The following CXCL13 variants were observed in gnomAD, a reference collection of about 807,000 sequenced individuals.
CXCL13 encodes C-X-C motif chemokine 13.
A neutral mutation model predicts 12.2 loss-of-function variants in CXCL13; 7 were observed. The observed-to-expected ratio is 0.57, with a 90% CI of 0.33 to 1.07. The LOEUF is 1.07. Among genes scored for constraint, CXCL13 ranks in the 50% least tolerant of loss-of-function variants. CXCL13 has a pLI of 0.04. For missense variants in CXCL13, 113 were observed against 127.4 expected, an observed-to-expected ratio of 0.89 and a Z score of 0.55; for synonymous variants, 47 against 42.4, an observed-to-expected ratio of 1.11 and a Z score of -0.42.
chr4:77,519,120 C>T (rs915388058), intron 1 of CXCL13, among the ~76,000 whole-genome samples: 3 of 152,060 alleles, frequency 2.0e-5, no homozygotes, highest in South Asian at 2.1e-4. Context: ...TTTTGTGAAC[C>T]GTGAATGCTG....
chr4:77,570,013 A>T lies in CXCL13; in HGVS notation c.-42-35811A>T, dbSNP rs188142498. Among the ~76,000 whole-genome samples the T allele has an allele frequency of 7.9e-5, 12 of 152,326 alleles. No homozygotes were observed. The East Asian group carries it at 2.3e-3, about 29-fold the overall frequency. Reference sequence around the variant, plus strand: ...GATCTTCAACAAAACTGACAAAAACAAGCAATGGAAAAAGGACTCCCTATT... The same window carrying T: ...GATCTTCAACAAAACTGACAAAAACTAGCAATGGAAAAAGGACTCCCTATT... On this transcript the variant is annotated intron_variant, in intron 1 of 4. Coordinates refer to the CXCL13 transcript ENST00000286758.
upstream of CXCL13, among the ~76,000 whole-genome samples, chr4:77,602,837 T>C (rs1030563446): frequency 2.6e-5 from 4 of 152,224 alleles, no homozygotes; most frequent in Non-Finnish European, 4.4e-5. Flanking sequence ...TCAGAGTTTT[T>C]GAAATTTATA....
intron 1 of CXCL13, among the ~76,000 whole-genome samples, chr4:77,598,399 T>A (rs1726813621): frequency 6.6e-6 from 1 of 152,128 alleles, no homozygotes; most frequent in Admixed American, 6.6e-5. Flanking sequence ...CCCCAATCCC[T>A]TCGTCCCTTT....
At chr4:77,568,603 G>T (rs1204817678) in intron 1 of CXCL13, among the ~76,000 whole-genome samples, 1 of 152,130 alleles carries the variant, frequency 6.6e-6, no homozygotes, top group Non-Finnish European at 1.5e-5. Context: ...TTGTTCTGTG[G>T]CCCCAGTTGT....
intron 1 of CXCL13, among the ~76,000 whole-genome samples, chr4:77,565,967 C>A (rs961856632): frequency 6.6e-6 from 1 of 152,192 alleles, no homozygotes; most frequent in Admixed American, 6.5e-5. Context: ...GAAAAGTCAC[C>A]TTTGAGGATA....
At chr4:77,519,883 A>C (rs1036452696) in intron 1 of CXCL13, among the ~76,000 whole-genome samples, 14 of 152,132 alleles carry the variant, frequency 9.2e-5, no homozygotes, top group African/African-American at 2.9e-4. Context: ...TCTTGAATTA[A>C]TTTTCGTATA....
At chr4:77,518,509 T>C (rs1011414137) in intron 1 of CXCL13, among the ~76,000 whole-genome samples, 2 of 152,204 alleles carry the variant, frequency 1.3e-5, no homozygotes, top group African/African-American at 4.8e-5. Context: ...TATTCTTTTT[T>C]CTCTAAACTT....
intron 1 of CXCL13, among the ~76,000 whole-genome samples, chr4:77,607,104 T>C (rs1054441886): frequency 6.6e-6 from 1 of 152,172 alleles, no homozygotes; most frequent in Non-Finnish European, 1.5e-5. Context: ...TAGAGAAAAC[T>C]CTGTTCCAGC....
At position 77,553,655 on chromosome 4, in the gene CXCL13, C is replaced by T. The variant is rs1212782303; in HGVS notation, c.-43+41867C>T. Among the ~76,000 whole-genome samples, 6 of 152,244 alleles carry T rather than the reference C, an allele frequency of 3.9e-5. No individual in the cohort carries two copies. The South Asian group carries it at 1.0e-3, about 26-fold the overall frequency. On this transcript the variant is annotated intron_variant, in intron 1 of 4. Coordinates refer to the CXCL13 transcript ENST00000286758. ...GTCATCACAGGGGCTGTTTGCCCAC[C>T]CCTTCTCCTCCCTGGGATCTGGGGT... is the stretch of plus-strand genomic sequence containing the variant.
intron 1 of CXCL13, among the ~76,000 whole-genome samples, chr4:77,595,269 C>G (rs796331034): frequency 6.6e-6 from 1 of 152,114 alleles, no homozygotes; most frequent in Non-Finnish European, 1.5e-5. Context: ...TAGAAAATTT[C>G]CACCACTCTG....
intron 1 of CXCL13, among the ~76,000 whole-genome samples, chr4:77,518,105 G>A (rs1405643777): frequency 6.6e-6 from 1 of 152,140 alleles, no homozygotes; most frequent in Non-Finnish European, 1.5e-5. Context: ...TTTTCTTTAA[G>A]AATGGTGAAT....
intron 1 of CXCL13, among the ~76,000 whole-genome samples, chr4:77,531,560 G>T (rs1398111069): frequency 2.0e-5 from 3 of 152,028 alleles, no homozygotes; most frequent in Non-Finnish European, 4.4e-5. Context: ...TGTCTATTAG[G>T]TCCACTTGGT....
At chr4:77,558,960 G>T (rs1024871396) in intron 1 of CXCL13, among the ~76,000 whole-genome samples, 1 of 152,140 alleles carries the variant, frequency 6.6e-6, no homozygotes, top group Non-Finnish European at 1.5e-5. Flanking sequence ...CCTTAATTGA[G>T]CTTGGTGAAG....
chr4:77,516,086 T>C (rs1050575194), intron 1 of CXCL13, among the ~76,000 whole-genome samples: 36 of 152,220 alleles, frequency 2.4e-4, no homozygotes, highest in Admixed American at 1.6e-3. Context: ...TCGTCTTTGG[T>C]TCTGTTTATA....
chr4:77,522,581 T>C (rs1352428918), intron 1 of CXCL13, among the ~76,000 whole-genome samples: 1 of 143,236 alleles, frequency 7.0e-6, no homozygotes, highest in African/African-American at 2.6e-5. Context: ...CTCCAATCCT[T>C]TATTTTTGAG....
chr4:77,582,178 C>T (rs994727485), intron 1 of CXCL13, among the ~76,000 whole-genome samples: 3 of 152,070 alleles, frequency 2.0e-5, no homozygotes, highest in Non-Finnish European at 2.9e-5. Context: ...TTGTAGATCT[C>T]CCTCAAGGAT....
chr4:77,563,076 C>T (rs544758428), intron 1 of CXCL13, among the ~76,000 whole-genome samples: 276 of 152,196 alleles, frequency 1.8e-3, no homozygotes, highest in African/African-American at 6.3e-3. Context: ...ACACTCACCA[C>T]GAAGGTCTGT....
intron 3 of CXCL13, 72 bp from the exon 4 acceptor site, chr4:77,610,916 T>A: frequency 7.4e-7 from 1 of 1,358,600 alleles, no homozygotes; most frequent in South Asian, 1.2e-5. Context: ...TTGCCCGGTA[T>A]CTCCAGAGGA....
rs115964329 is a variant in CXCL13 at position 77,551,819 on chromosome 4, T to G, written c.-43+40031T>G. ...TTTTCTGTATTTTTGTCTTACTGAG[T>G]TAGTTCAAAAGACTAGTCTTCAAGC... On this transcript the variant is annotated intron_variant, in intron 1 of 4. Coordinates refer to the CXCL13 transcript ENST00000286758. 5.5e-3 allele frequency among the ~76,000 whole-genome samples: 839 copies of G among 152,296 alleles called. 8 individuals carry two copies. The highest frequency in any genetic ancestry group is 0.018 in the African/African-American group (739 of 41,566).
Sources: gnomAD v4.1 joint callset for allele counts (sites outside exome capture counted in the v4.1 genomes callset) on GRCh38, gnomAD v4.1.1 for gene constraint, MANE v1.5 for transcripts, NCBI Gene and HGNC (gene_info 2026-07-23, HGNC 2026-07-21) for gene names.